Variants in TFDP1 observed in about 807,000 individuals in gnomAD.
TFDP1 encodes DRTF1-polypeptide 1.
A neutral mutation model predicts 48.0 loss-of-function variants in TFDP1; 6 were observed. That is an observed-to-expected ratio of 0.13 (90% CI 0.07 to 0.25). The LOEUF (loss-of-function observed/expected upper bound fraction) is 0.25. Among genes scored for constraint, TFDP1 ranks in the 10% least tolerant of loss-of-function variants. The pLI is 1.00. For synonymous variants in TFDP1, 201 were observed against 211.6 expected (o/e 0.95, Z 0.44); for missense variants, 335 against 543.0 (o/e 0.62, Z 3.81).
At chr13:113,614,844 G>T (rs1309901339) in intron 3 of TFDP1, among the ~76,000 whole-genome samples, 1 of 152,202 alleles carries the variant, frequency 6.6e-6, no homozygotes, top group East Asian at 1.9e-4. Flanking sequence ...GGTTGGTGGT[G>T]AATTCCTTTT....
In TFDP1 at chr13:113,631,680, C is replaced by G. The variant is rs1478792480; in HGVS notation, c.244C>G (p.His82Asp). 5 of 1,614,194 alleles carry G rather than the reference C, an allele frequency of 3.1e-6. No individual in the cohort carries two copies. Among genetic ancestry groups the G allele is most frequent in the Non-Finnish European group, 4.2e-6 (5 of 1,180,022 alleles). Residue 82 changes from histidine (H) to aspartate (D), a missense_variant, in exon 5 of 12, where the codon CAC becomes GAC. Transcript: ENST00000375370. ...AAACACCCTGGTGGTAGGAAGCCCA[C>G]ACACCCCCAGCACTCACTTTGCCTC... ...ASNTLVVGSP[H>D]TPSTHFASQN... is the part of the protein sequence containing the mutation.
intron 2 of TFDP1, among the ~76,000 whole-genome samples, chr13:113,595,935 A>G (rs2048278375): frequency 6.6e-6 from 1 of 152,206 alleles, no homozygotes; most frequent in Non-Finnish European, 1.5e-5. Flanking sequence ...ACAAAAAGTT[A>G]GCTGGGCGTG....
In TFDP1 at chr13:113,633,258, C is replaced by G. The variant is rs138846629; in HGVS notation, c.447C>G (p.Ala149=). The change falls in exon 6 of 12, where the codon GCC becomes GCG. Residue 149 remains alanine (A), a synonymous_variant. Coordinates refer to ENST00000375370, the MANE Select transcript of TFDP1 (RefSeq NM_007111.5). The surrounding 1 kb of genome is among the most constrained non-coding windows in gnomAD (Gnocchi z 4.5). ...ADELVAEFSA[A]DNHILPNESA... ...AGCTGGTTGCGGAGTTCAGTGCTGCCGACAACCACATCTTACCAAACGAGT... is the reference window on the plus strand; with the variant it reads ...AGCTGGTTGCGGAGTTCAGTGCTGCGGACAACCACATCTTACCAAACGAGT... 5 of 1,613,966 alleles carry G rather than the reference C, an allele frequency of 3.1e-6. No homozygotes were observed. Among genetic ancestry groups the G allele is most frequent in the Non-Finnish European group, 4.2e-6 (5 of 1,179,978 alleles).
intron 2 of TFDP1, among the ~76,000 whole-genome samples, chr13:113,608,572 C>G (rs2048627645): frequency 6.6e-6 from 1 of 152,226 alleles, no homozygotes; most frequent in Non-Finnish European, 1.5e-5. Context: ...CCTGACCAGC[C>G]CTGGCCGAGG....
At chr13:113,609,193 A>G (rs1310601482) in intron 2 of TFDP1, among the ~76,000 whole-genome samples, 4 of 152,036 alleles carry the variant, frequency 2.6e-5, no homozygotes, top group Non-Finnish European at 5.9e-5. Flanking sequence ...CTTTTCCTTG[A>G]TATTGCGTCA....
At chr13:113,611,097 G>T (rs568152081) in intron 3 of TFDP1, 35 bp downstream of exon 3, 5 of 1,556,738 alleles carry the variant, frequency 3.2e-6, no homozygotes, top group African/African-American at 2.7e-5. Context: ...CTCTTGTGTT[G>T]ATGAATGCAT....
intron 2 of TFDP1, among the ~76,000 whole-genome samples, chr13:113,605,442 A>G (rs1465174248): frequency 6.6e-6 from 1 of 152,220 alleles, no homozygotes. Flanking sequence ...AGACAAATGT[A>G]GTGGCTTAAA....
At position 113,601,422 on chromosome 13, in the gene TFDP1, G is replaced by T. The variant is rs185678346; in HGVS notation, c.13-9574G>T. 1.6e-3 allele frequency among the ~76,000 whole-genome samples: 185 copies of T among 112,822 alleles called. 3 individuals carry two copies. Among genetic ancestry groups the T allele is most frequent in the Admixed American group, 0.014 (155 of 11,176 alleles). The allele number at this position is 112,822 out of a possible 152,430, so 74.0% of individuals were successfully genotyped here. Reference sequence around the variant, plus strand: ...TTTGCCTTGTGGGCCCCTGCGTAGGGCAGCTCGCTGGTGGCTTCCTCAGGG... The same window carrying T: ...TTTGCCTTGTGGGCCCCTGCGTAGGTCAGCTCGCTGGTGGCTTCCTCAGGG... On this transcript the variant is annotated intron_variant, in intron 2 of 11. Coordinates refer to ENST00000375370, the MANE Select transcript of TFDP1 (RefSeq NM_007111.5).
rs542815047 is a variant in TFDP1 at position 113,640,445 on chromosome 13, G to A, written c.*178G>A. 13 of 1,011,322 alleles carry A rather than the reference G, an allele frequency of 1.3e-5. 1 individual carries two copies. In the East Asian group the frequency reaches 3.1e-4, roughly 24 times the overall value. The allele number at this position is 1,011,322 out of a possible 1,614,324, so 62.6% of individuals were successfully genotyped here. ...GTTTCCCGTAGGATTAGGACGTGCT[G>A]TGGATGTGTGTTTTGATACCAGTGT... On this transcript the variant is annotated 3_prime_UTR_variant, in exon 12 of 12. Coordinates refer to ENST00000375370, the MANE Select transcript of TFDP1 (RefSeq NM_007111.5).
chr13:113,636,387 G>C lies in TFDP1; in HGVS notation c.840-147G>C. The C allele has an allele frequency of 1.9e-6, 2 of 1,044,386 alleles. 1 individual carries two copies. The highest frequency in any genetic ancestry group is 3.0e-5 in the South Asian group (2 of 65,636). 64.7% of individuals were successfully genotyped at this position (1,044,386 alleles called of 1,614,324 possible). A position where few individuals can be genotyped will look rare whatever the true frequency, so the allele number is the denominator to read the frequency against. On this transcript the variant is annotated intron_variant, in intron 9 of 11. Coordinates refer to ENST00000375370, the MANE Select transcript of TFDP1 (RefSeq NM_007111.5). The stretch of plus-strand genomic sequence containing the variant: ...TGCCTCTCATCTCATTTACTTCAGA[G>C]TTTATAAATTCTGTGAGGAGACACT...
rs533498080 is a variant in TFDP1, at chr13:113,598,776, C to T, written c.13-12220C>T. Among the ~76,000 whole-genome samples the T allele has an allele frequency of 2.6e-5, 4 of 152,294 alleles. No individual in the cohort carries two copies. The highest frequency in any genetic ancestry group is 2.0e-4 in the Admixed American group (3 of 15,300). Reference sequence around the variant, plus strand: ...GCTCACACTGTGGTTCTGTGGCCGCCGTCCCTCTGTCCGCTCGGGGTAGCC... The same window carrying T: ...GCTCACACTGTGGTTCTGTGGCCGCTGTCCCTCTGTCCGCTCGGGGTAGCC... On this transcript the variant is annotated intron_variant, in intron 2 of 11. Transcript: ENST00000375370. The surrounding 1 kb of genome is among the most constrained non-coding windows in gnomAD (Gnocchi z 4.2).
At chr13:113,594,145 C>T (rs1185749415) in intron 2 of TFDP1, among the ~76,000 whole-genome samples, 41 of 80,286 alleles carry the variant, frequency 5.1e-4, no homozygotes, top group African/African-American at 1.1e-3. Context: ...GTGTGGTGTG[C>T]GCGGGTCCTC....
chr13:113,587,990 G>GGATT (rs1183575521), intron 2 of TFDP1, among the ~76,000 whole-genome samples: 1 of 152,048 alleles, frequency 6.6e-6, no homozygotes, highest in Non-Finnish European at 1.5e-5. Flanking sequence ...CAAATAGCTG[G>GGATT]GATTACAGGC....
chr13:113,625,192 C>T (rs2049110609), intron 4 of TFDP1, among the ~76,000 whole-genome samples: 1 of 133,608 alleles, frequency 7.5e-6, no homozygotes, highest in Non-Finnish European at 1.6e-5. Flanking sequence ...CCTCAGGTGT[C>T]TCTCACTTGT....
chr13:113,636,451 G>A lies in TFDP1; in HGVS notation c.840-83G>A, dbSNP rs182942018. On this transcript the variant is annotated intron_variant, in intron 9 of 11. Coordinates refer to ENST00000375370, the MANE Select transcript of TFDP1 (RefSeq NM_007111.5). ...CGGGAAGCTGTGTGTGGCGGTCAGC[G>A]GGTCAGCCGTCCTGGCTCCACCCCA... 1.1e-4 allele frequency: 167 copies of A among 1,479,022 alleles called. No homozygotes were observed. The African/African-American group carries it at 1.5e-3, about 13-fold the overall frequency. The allele number at this position is 1,479,022 out of a possible 1,614,324, so 91.6% of individuals were successfully genotyped here. A position where few individuals can be genotyped will look rare whatever the true frequency, so the allele number is the denominator to read the frequency against.
intron 3 of TFDP1, among the ~76,000 whole-genome samples, chr13:113,611,277 C>T (rs975752309): frequency 6.6e-6 from 1 of 152,194 alleles, no homozygotes; most frequent in South Asian, 2.1e-4. Context: ...ATTTTGAATT[C>T]TAAGGTATGT....
At chr13:113,612,335 C>T (rs1594464582) in intron 3 of TFDP1, among the ~76,000 whole-genome samples, 2 of 152,220 alleles carry the variant, frequency 1.3e-5, no homozygotes, top group Non-Finnish European at 1.5e-5. Context: ...CTGCTGTCCC[C>T]GGGCCCTGTC....
chr13:113,630,968 C>T (rs1217106417), intron 4 of TFDP1, among the ~76,000 whole-genome samples: 2 of 152,312 alleles, frequency 1.3e-5, no homozygotes, highest in East Asian at 3.9e-4. Context: ...CTACCTTCCG[C>T]CCCCAGTGCT....
intron 2 of TFDP1, among the ~76,000 whole-genome samples, chr13:113,592,437 G>A (rs146048599): frequency 1.1e-4 from 16 of 152,360 alleles, no homozygotes; most frequent in East Asian, 9.7e-4. Flanking sequence ...GATTCCAGGC[G>A]TGAGCCACCG....
Sources: allele counts gnomAD v4.1 joint callset (sites outside exome capture counted in the v4.1 genomes callset), GRCh38; gene constraint gnomAD v4.1.1; non-coding constraint Gnocchi (gnomAD v3.1); transcripts MANE v1.5; gene names NCBI Gene and HGNC (gene_info 2026-07-23, HGNC 2026-07-21).